KDM4C: variants seen among roughly 807,000 people sequenced by gnomAD.
KDM4C encodes the protein lysine-specific demethylase 4C.
A neutral mutation model predicts 129.3 loss-of-function variants in KDM4C; 81 were observed. The observed-to-expected ratio is 0.63, with a 90% CI of 0.52 to 0.75. The LOEUF is 0.75. KDM4C is among the 30% of genes least tolerant of loss of function. KDM4C has a pLI of 0.00. For missense variants in KDM4C, 1,457 were observed against 1,304.0 expected, an observed-to-expected ratio of 1.12 and a Z score of -1.81; for synonymous variants, 573 against 456.1, an observed-to-expected ratio of 1.26 and a Z score of -3.26.
chr9:7,115,752 C>G (rs1838829048), intron 18 of KDM4C, among the ~76,000 whole-genome samples: 1 of 152,218 alleles, frequency 6.6e-6, no homozygotes, highest in African/African-American at 2.4e-5. Context: ...ACACAAAAGT[C>G]TGGATTAGCT....
intron 5 of KDM4C, among the ~76,000 whole-genome samples, chr9:6,868,493 C>T (rs1842382616): frequency 6.6e-6 from 1 of 152,114 alleles, no homozygotes; most frequent in Non-Finnish European, 1.5e-5. Flanking sequence ...AATACCAAAA[C>T]CTGTGGCTGC....
intron 17 of KDM4C, among the ~76,000 whole-genome samples, chr9:7,053,011 G>C (rs1033790332): frequency 2.0e-5 from 3 of 152,108 alleles, no homozygotes; most frequent in African/African-American, 4.8e-5. Flanking sequence ...TCATTTAACT[G>C]TAGAAAAAGA....
At chr9:6,954,271 A>C (rs951721821) in intron 8 of KDM4C, among the ~76,000 whole-genome samples, 1 of 152,086 alleles carries the variant, frequency 6.6e-6, no homozygotes, top group Non-Finnish European at 1.5e-5. Context: ...AGACTCTTGG[A>C]ATGTCTGCTT....
chr9:6,747,343 C>T (rs1477209445), intron 1 of KDM4C, among the ~76,000 whole-genome samples: 1 of 151,442 alleles, frequency 6.6e-6, no homozygotes, highest in African/African-American at 2.4e-5. Context: ...GTCAGGAGAT[C>T]GAGACCATCC....
chr9:7,127,811 A>G (rs1018512479), intron 18 of KDM4C: 2 of 323,796 alleles, frequency 6.2e-6, no homozygotes, highest in East Asian at 5.7e-5. Context: ...CTCTCTTTGT[A>G]TATGCATACA....
intron 8 of KDM4C, among the ~76,000 whole-genome samples, chr9:6,915,997 A>T (rs1029078341): frequency 2.6e-5 from 4 of 152,206 alleles, no homozygotes; most frequent in Non-Finnish European, 5.9e-5. Context: ...GGGGAATTTA[A>T]TTCCAACATG....
intron 8 of KDM4C, among the ~76,000 whole-genome samples, chr9:6,914,539 T>A (rs934587414): frequency 6.6e-6 from 1 of 152,220 alleles, no homozygotes; most frequent in Non-Finnish European, 1.5e-5. Context: ...CCTTTTGACA[T>A]TAAAAAACAT....
At chr9:7,139,755 T>A (rs1841557723) in intron 19 of KDM4C, among the ~76,000 whole-genome samples, 1 of 152,224 alleles carries the variant, frequency 6.6e-6, no homozygotes, top group Non-Finnish European at 1.5e-5. Flanking sequence ...TCTATATTAT[T>A]TATGCTGGAA....
intron 1 of KDM4C, among the ~76,000 whole-genome samples, chr9:6,739,470 G>A (rs1161318592): frequency 6.6e-6 from 1 of 152,068 alleles, no homozygotes; most frequent in Non-Finnish European, 1.5e-5. Context: ...ACACAATCAT[G>A]TGTTTACACT....
chr9:7,035,462 C>T (rs1587110058), intron 15 of KDM4C, among the ~76,000 whole-genome samples: 2 of 149,734 alleles, frequency 1.3e-5, no homozygotes, highest in South Asian at 4.2e-4. Flanking sequence ...CTATTATTTC[C>T]TTTGCTGTGC....
chr9:6,794,639 C>G (rs1827376410), intron 2 of KDM4C, among the ~76,000 whole-genome samples: 1 of 152,044 alleles, frequency 6.6e-6, no homozygotes, highest in African/African-American at 2.4e-5. Flanking sequence ...TAGTGAAGAG[C>G]CAATGGTGAC....
At position 6,729,478 on chromosome 9, in the gene KDM4C, C is replaced by T. The variant is rs1817252984; in HGVS notation, c.49+8481C>T. Among the ~76,000 whole-genome samples the T allele has an allele frequency of 1.5e-5, 2 of 130,816 alleles. 1 individual carries two copies. The highest frequency in any genetic ancestry group is 5.5e-4 in the South Asian group (2 of 3,620). 85.8% of individuals were successfully genotyped at this position (130,816 alleles called of 152,430 possible). ...ACTGCTTGAGCCCAGGGGAGTGGGG[C>T]GGAGGTTGCAGTGAGCCAAGATCAC... On this transcript the variant is annotated intron_variant, in intron 1 of 17. Coordinates refer to the KDM4C transcript ENST00000536108.
At chr9:7,060,454 GTTA>G (rs147100950) in intron 17 of KDM4C, among the ~76,000 whole-genome samples, 41,860 of 127,074 alleles carry the variant, frequency 0.33, 6,731 homozygotes, top group South Asian at 0.51. Context: ...CAGTATTGTT[GTTA>G]TTATTATTAT....
intron 3 of KDM4C, among the ~76,000 whole-genome samples, chr9:6,808,692 A>T (rs1194641939): frequency 3.6e-5 from 5 of 138,686 alleles, no homozygotes; most frequent in Admixed American, 7.3e-5. Context: ...ATTATCAATA[A>T]AAAAAAAAAA....
chr9:6,999,898 T>A (rs567422588), intron 12 of KDM4C, among the ~76,000 whole-genome samples: 35 of 152,362 alleles, frequency 2.3e-4, no homozygotes, highest in African/African-American at 8.2e-4. Context: ...TACATAATGA[T>A]CTCTTTGTTC....
At chr9:6,951,590 C>A (rs1001515551) in intron 8 of KDM4C, among the ~76,000 whole-genome samples, 1 of 152,136 alleles carries the variant, frequency 6.6e-6, no homozygotes, top group Non-Finnish European at 1.5e-5. Context: ...GTAACCAGAA[C>A]TGACCATTTA....
intron 8 of KDM4C, among the ~76,000 whole-genome samples, chr9:6,954,626 A>G (rs1828752236): frequency 6.6e-6 from 1 of 152,226 alleles, no homozygotes; most frequent in Non-Finnish European, 1.5e-5. Flanking sequence ...GTTTGGATTC[A>G]TAGCTTTGAG....
intron 2 of KDM4C, among the ~76,000 whole-genome samples, chr9:6,801,618 G>GCTCTCTCT (rs147393202): frequency 2.7e-5 from 4 of 145,512 alleles, no homozygotes; most frequent in African/African-American, 1.0e-4. Context: ...GTGCAGATAT[G>GCTCTCTCT]CTCTCTCTCT....
At chr9:6,897,315 G>T (rs1001061481) in intron 8 of KDM4C, among the ~76,000 whole-genome samples, 2 of 152,152 alleles carry the variant, frequency 1.3e-5, no homozygotes, top group Non-Finnish European at 2.9e-5. Context: ...GACCATCCCT[G>T]TTTCTAATAT....
Sources: gnomAD v4.1 joint callset for allele counts (sites outside exome capture counted in the v4.1 genomes callset) on GRCh38, gnomAD v4.1.1 for gene constraint, MANE v1.5 for transcripts, NCBI Gene and HGNC (gene_info 2026-07-23, HGNC 2026-07-21) for gene names.